Variants in CNBD1 observed in about 807,000 individuals in gnomAD.
The protein encoded by CNBD1 is cyclic nucleotide binding domain containing 1.
CNBD1 carries 71 observed loss-of-function variants against 54.4 expected under a neutral mutation model. The observed-to-expected ratio is 1.30, with a 90% CI of 1.08 to 1.59. CNBD1 has a LOEUF of 1.59. Among genes scored for constraint, CNBD1 ranks in the 40% most tolerant of loss-of-function variants. CNBD1 has a pLI of 0.00. For missense variants in CNBD1, 659 were observed against 518.0 expected (o/e 1.27, Z -2.64); for synonymous variants, 182 against 170.7 (o/e 1.07, Z -0.51).
chr8:87,235,135 C>T (rs1807559294), intron 5 of CNBD1, among the ~76,000 whole-genome samples: 1 of 152,158 alleles, frequency 6.6e-6, no homozygotes, highest in Non-Finnish European at 1.5e-5. Flanking sequence ...AGAAATAGGG[C>T]CTTGTTCTGG....
intron 1 of CNBD1, among the ~76,000 whole-genome samples, chr8:86,872,623 T>G (rs2131767925): frequency 6.6e-6 from 1 of 152,328 alleles, no homozygotes; most frequent in South Asian, 2.1e-4. Context: ...GTAGCCATGT[T>G]AACAGGTACG....
chr8:87,103,369 CAT>C (rs368555733), intron 4 of CNBD1, among the ~76,000 whole-genome samples: 20 of 152,266 alleles, frequency 1.3e-4, no homozygotes, highest in African/African-American at 4.1e-4. Context: ...TGCTATGAGA[CAT>C]GTATGCTTAT....
intron 6 of CNBD1, among the ~76,000 whole-genome samples, chr8:87,241,561 TGCACCCC>T (rs1267143881): frequency 1.9e-4 from 29 of 152,250 alleles, no homozygotes; most frequent in African/African-American, 6.0e-4. Context: ...CGTGAGCCAC[TGCACCCC>T]GCCCATGGAA....
intron 4 of CNBD1, among the ~76,000 whole-genome samples, chr8:87,196,034 G>C (rs1006187089): frequency 1.3e-5 from 2 of 151,844 alleles, no homozygotes; most frequent in African/African-American, 2.4e-5. Context: ...TCAGAATTTT[G>C]AGCATATTCA....
At chr8:86,966,316 C>T (rs4961004) in intron 4 of CNBD1, among the ~76,000 whole-genome samples, 143,868 of 152,284 alleles carry the variant, frequency 0.94, 68,066 homozygotes, top group East Asian at 1. Flanking sequence ...CACTCCAAGA[C>T]TGGAGCGGGT....
At chr8:87,334,495 G>C (rs931294572) in intron 8 of CNBD1, among the ~76,000 whole-genome samples, 2 of 151,862 alleles carry the variant, frequency 1.3e-5, no homozygotes, top group African/African-American at 4.8e-5. Context: ...GATATCTCTA[G>C]GTTTCCGATG....
At chr8:87,413,586 A>C (rs1807784510) in intron 2 of CNBD1, among the ~76,000 whole-genome samples, 2 of 152,014 alleles carry the variant, frequency 1.3e-5, no homozygotes, top group Non-Finnish European at 2.9e-5. Flanking sequence ...ATTCTATCTT[A>C]AGGCATCTAC....
In CNBD1 at chr8:86,888,825, G is replaced by A. The variant is rs371341606; in HGVS notation, c.158+1214G>A. On this transcript the variant is annotated intron_variant, in intron 2 of 10. Transcript: ENST00000518476. The stretch of plus-strand genomic sequence containing the variant: ...GCTTTCATTTTCGTTTTGCTTTCTG[G>A]CCCAGACGCATTTCATTTTTCAAAA... Among the ~76,000 whole-genome samples the A allele has an allele frequency of 5.3e-5, 8 of 152,036 alleles. No homozygotes were observed. In the South Asian group the frequency reaches 8.3e-4, roughly 16 times the overall value.
chr8:87,182,505 C>T lies in CNBD1; in HGVS notation c.432-23488C>T, dbSNP rs1361557692. 2.6e-5 allele frequency among the ~76,000 whole-genome samples: 4 copies of T among 152,034 alleles called. No individual in the cohort carries two copies. Among genetic ancestry groups the T allele is most frequent in the African/African-American group, 4.8e-5 (2 of 41,374 alleles). ...ACAATAGCTGAAATAATTACATTCC[C>T]ACCAACAGGGTGCAAGAATTCCCTT... On this transcript the variant is annotated intron_variant, in intron 4 of 10. Transcript: ENST00000518476. This position sits in a 1 kb window ranked among gnomAD's most constrained non-coding sequence, Gnocchi z 4.1.
At chr8:86,907,204 A>G (rs776960329) in intron 3 of CNBD1, among the ~76,000 whole-genome samples, 8 of 152,326 alleles carry the variant, frequency 5.3e-5, no homozygotes, top group Non-Finnish European at 7.4e-5. Flanking sequence ...GTTCTGAAAC[A>G]GGCCCAGCAG....
intron 4 of CNBD1, among the ~76,000 whole-genome samples, chr8:86,965,791 G>C (rs957897002): frequency 6.6e-6 from 1 of 152,142 alleles, no homozygotes; most frequent in African/African-American, 2.4e-5. Flanking sequence ...GCTTTATTGA[G>C]TGTTCCAACA....
chr8:87,286,384 C>G (rs2130871262), intron 7 of CNBD1, among the ~76,000 whole-genome samples, 155 bp from the exon 8 acceptor site: 1 of 152,110 alleles, frequency 6.6e-6, no homozygotes, highest in Admixed American at 6.6e-5. Context: ...GTCTATGTGG[C>G]CATAGAGTGA....
chr8:87,098,736 A>T (rs201261781), intron 4 of CNBD1, among the ~76,000 whole-genome samples: 1,184 of 42,058 alleles, frequency 0.028, 27 homozygotes, highest in Admixed American at 0.1. Flanking sequence ...ATAGTAATAA[A>T]AAAAAAAAAA....
chr8:87,358,507 C>T (rs1810464228), intron 10 of CNBD1, among the ~76,000 whole-genome samples: 1 of 151,980 alleles, frequency 6.6e-6, no homozygotes, highest in South Asian at 2.1e-4. Flanking sequence ...AAGGCAAATA[C>T]ACTGTGGACT....
chr8:87,131,361 G>A (rs1476808673), intron 4 of CNBD1, among the ~76,000 whole-genome samples: 1 of 151,864 alleles, frequency 6.6e-6, no homozygotes, highest in Non-Finnish European at 1.5e-5. Context: ...CATTTAAAAT[G>A]GTTGCTCCAA....
At chr8:87,139,912 T>A (rs921232608) in intron 4 of CNBD1, among the ~76,000 whole-genome samples, 4 of 152,160 alleles carry the variant, frequency 2.6e-5, no homozygotes, top group East Asian at 1.9e-4. Context: ...GCTATCTACC[T>A]TTATTTGGAA....
intron 5 of CNBD1, among the ~76,000 whole-genome samples, chr8:87,222,138 G>A (rs908116963): frequency 2.6e-5 from 4 of 151,824 alleles, no homozygotes; most frequent in Admixed American, 2.0e-4. Context: ...ATTTTTCCTA[G>A]GCTTCCATCT....
At chr8:87,124,429 A>G (rs1273484813) in intron 4 of CNBD1, among the ~76,000 whole-genome samples, 2 of 151,728 alleles carry the variant, frequency 1.3e-5, no homozygotes, top group African/African-American at 4.8e-5. Context: ...GAAAATACAT[A>G]AATATGTGGA....
intron 5 of CNBD1, among the ~76,000 whole-genome samples, chr8:87,226,784 C>A (rs1045143239): frequency 2.0e-5 from 3 of 151,460 alleles, no homozygotes; most frequent in Non-Finnish European, 2.9e-5. Context: ...AGTTCAATTC[C>A]TGGGTATCCT....
Sources: allele counts gnomAD v4.1 joint callset (sites outside exome capture counted in the v4.1 genomes callset), GRCh38; gene constraint gnomAD v4.1.1; non-coding constraint Gnocchi (gnomAD v3.1); transcripts MANE v1.5; gene names NCBI Gene and HGNC (gene_info 2026-07-23, HGNC 2026-07-21).